DCAF1: variants seen among roughly 807,000 people sequenced by gnomAD.
The protein encoded by DCAF1 is DDB1 and CUL4 associated factor 1.
In DCAF1, 15 loss-of-function variants were observed where a neutral mutation model predicts 128.0. That is an observed-to-expected ratio of 0.12 (90% confidence interval 0.08 to 0.18). The LOEUF is 0.18. DCAF1 is among the 10% of genes least tolerant of loss of function. The pLI, the probability that DCAF1 is intolerant of heterozygous loss-of-function variation, is 1.00. For missense variants in DCAF1, 988 were observed against 1,649.5 expected (o/e 0.60, Z 6.95); for synonymous variants, 610 against 603.0 (o/e 1.01, Z -0.17).
intron 3 of DCAF1, among the ~76,000 whole-genome samples, chr3:51,479,220 G>A (rs7625821): frequency 0.75 from 114,717 of 152,170 alleles, 44,224 homozygotes; most frequent in Middle Eastern, 0.85. Flanking sequence ...ATAGTCGTAG[G>A]CCAGGCATGG....
chr3:51,451,069 C>CTTTTT (rs1167474829), intron 6 of DCAF1, among the ~76,000 whole-genome samples: 957 of 27,108 alleles, frequency 0.035, 442 homozygotes, highest in Middle Eastern at 0.056. Flanking sequence ...AAAGGAAATT[C>CTTTTT]TTTTTTTTTT....
intron 13 of DCAF1, 25 bp downstream of exon 13, chr3:51,427,347 A>T (rs782208846): frequency 6.0e-6 from 4 of 669,278 alleles, no homozygotes; most frequent in Admixed American, 2.4e-5. Context: ...ATCAAACTTC[A>T]TTTGAAATCT....
chr3:51,413,215 T>G, intron 21 of DCAF1, 67 bp downstream of exon 21: 1 of 1,558,072 alleles, frequency 6.4e-7, no homozygotes, highest in Non-Finnish European at 8.7e-7. Flanking sequence ...CTCCAGAAAA[T>G]GAAGGATCTT....
chr3:51,493,573 G>A (rs1475203446), intron 2 of DCAF1, among the ~76,000 whole-genome samples: 3 of 151,986 alleles, frequency 2.0e-5, no homozygotes, highest in African/African-American at 7.3e-5. Context: ...AACAAAATGT[G>A]GTATATGCAT....
At chr3:51,481,060 G>A (rs1307028385) in intron 3 of DCAF1, among the ~76,000 whole-genome samples, 2 of 152,148 alleles carry the variant, frequency 1.3e-5, no homozygotes, top group African/African-American at 4.8e-5. Flanking sequence ...GAAGGTCACT[G>A]GAACGTGGGA....
At chr3:51,497,072 A>G (rs1047285183) in intron 1 of DCAF1, among the ~76,000 whole-genome samples, 11 of 151,830 alleles carry the variant, frequency 7.2e-5, no homozygotes, top group Admixed American at 2.6e-4. Flanking sequence ...AAGTGGGTGG[A>G]TTACTTGAGG....
intron 2 of DCAF1, among the ~76,000 whole-genome samples, chr3:51,490,007 A>C (rs1553657206): frequency 2.6e-5 from 4 of 152,218 alleles, no homozygotes; most frequent in Non-Finnish European, 5.9e-5. Context: ...CAACACACAA[A>C]AATCAGTTGT....
intron 2 of DCAF1, among the ~76,000 whole-genome samples, chr3:51,486,956 ACT>A (rs1707038092): frequency 6.8e-6 from 1 of 147,082 alleles, no homozygotes; most frequent in African/African-American, 2.5e-5. Context: ...TTTAAAACAA[ACT>A]TTTTTTCTTT....
intron 14 of DCAF1, 87 bp from the exon 15 acceptor site, chr3:51,421,084 A>G (rs1699348699): frequency 1.4e-6 from 2 of 1,442,936 alleles, no homozygotes; most frequent in African/African-American, 1.4e-5. Context: ...TTGGTGTTCT[A>G]CTCACTTTTA....
chr3:51,488,965 G>T (rs1311781763), intron 2 of DCAF1, among the ~76,000 whole-genome samples: 1 of 152,154 alleles, frequency 6.6e-6, no homozygotes, highest in African/African-American at 2.4e-5. Flanking sequence ...ACTCCGTCTC[G>T]GGTGGGGCAG....
chr3:51,500,582 C>T (rs74941392), upstream of DCAF1, among the ~76,000 whole-genome samples: 2,869 of 152,116 alleles, frequency 0.019, 53 homozygotes, highest in Non-Finnish European at 0.028. Flanking sequence ...GCTCTGTTGC[C>T]CAGGCTGGAG....
intron 7 of DCAF1, among the ~76,000 whole-genome samples, chr3:51,442,356 C>A (rs1272640698): frequency 6.6e-6 from 1 of 152,010 alleles, no homozygotes; most frequent in African/African-American, 2.4e-5. Context: ...TTTTTAAGTA[C>A]ATACTTTTTG....
chr3:51,504,257 C>T (rs1454740217), upstream of DCAF1, among the ~76,000 whole-genome samples: 4 of 151,924 alleles, frequency 2.6e-5, no homozygotes, highest in Admixed American at 2.6e-4. Flanking sequence ...AGGATGGTCT[C>T]GATCTCCTGA....
At chr3:51,416,714 A>G in intron 18 of DCAF1, 73 bp downstream of exon 18, 2 of 1,547,788 alleles carry the variant, frequency 1.3e-6, no homozygotes, top group South Asian at 1.2e-5. Flanking sequence ...AGGTCCTCAC[A>G]TTCTATCAAG....
chr3:51,443,611 C>T (rs7634991), intron 7 of DCAF1, among the ~76,000 whole-genome samples, 155 bp downstream of exon 7: 24,995 of 151,752 alleles, frequency 0.16, 2,437 homozygotes, highest in South Asian at 0.33. Context: ...AAGCTATTTT[C>T]AATTTTTAAA....
intron 18 of DCAF1, among the ~76,000 whole-genome samples, 179 bp from the exon 19 acceptor site, chr3:51,415,036 C>G (rs577989420): frequency 2.0e-5 from 3 of 151,896 alleles, no homozygotes; most frequent in African/African-American, 7.2e-5. Flanking sequence ...CCACCGCACC[C>G]GGCCAGGCAC....
rs569439756 is a variant in DCAF1, at chr3:51,413,222, T to G, written c.4036+60A>C. On this transcript the variant is annotated intron_variant, in intron 21 of 24. Coordinates refer to ENST00000684031, the MANE Select transcript of DCAF1 (RefSeq NM_001387579.1). ...TTACAGGCCTCCAGAAAATGAAGGA[T>G]CTTAAATAAGGAACACCAAAACACG... is the stretch of plus-strand genomic sequence containing the variant. 1.4e-4 allele frequency: 220 copies of G among 1,562,770 alleles called. 3 individuals carry two copies. In the South Asian group the frequency reaches 2.4e-3, roughly 17 times the overall value.
chr3:51,489,834 T>TATAG lies in DCAF1; in HGVS notation c.-8-6002_-8-5999dup, dbSNP rs71637574. On this transcript the variant is annotated intron_variant, in intron 2 of 24. Coordinates refer to ENST00000684031, the MANE Select transcript of DCAF1 (RefSeq NM_001387579.1). ...GCATGTGTGTGTGTGTGTGTGTGTATATAGATAGATAGATAGATAGATAGA... is the reference window on the plus strand; with the variant it reads ...GCATGTGTGTGTGTGTGTGTGTGTATATAGATAGATAGATAGATAGATAGATAGA... Among the ~76,000 whole-genome samples, 894 of 108,386 alleles carry TATAG rather than the reference T, an allele frequency of 8.2e-3. 11 individuals are homozygous for TATAG. Among genetic ancestry groups the TATAG allele is most frequent in the African/African-American group, 0.022 (853 of 39,620 alleles). The allele number at this position is 108,386 out of a possible 152,430, so 71.1% of individuals were successfully genotyped here.
chr3:51,428,984 G>T (rs1256053365), intron 12 of DCAF1, among the ~76,000 whole-genome samples: 2 of 152,110 alleles, frequency 1.3e-5, no homozygotes, highest in East Asian at 3.8e-4. Context: ...GGGTGACAGA[G>T]GGAGACGTAT....
Sources: gnomAD v4.1 joint callset for allele counts (sites outside exome capture counted in the v4.1 genomes callset) on GRCh38, gnomAD v4.1.1 for gene constraint, MANE v1.5 for transcripts, NCBI Gene and HGNC (gene_info 2026-07-23, HGNC 2026-07-21) for gene names.